TSHR: variants seen among roughly 807,000 people sequenced by gnomAD.
TSHR encodes the protein thyroid stimulating hormone receptor, also known as thyrotropin receptor.
In TSHR, 51 loss-of-function variants were observed where a neutral mutation model predicts 64.1. The observed-to-expected ratio is 0.80, with a 90% CI of 0.64 to 1.01. TSHR has a LOEUF of 1.01. Among genes scored for constraint, TSHR ranks in the 50% least tolerant of loss-of-function variants. The probability of loss-of-function intolerance (pLI) is 0.00; values close to 1 mark genes in which losing one functional copy is unlikely to be tolerated. For missense variants in TSHR, 877 were observed against 942.8 expected, an observed-to-expected ratio of 0.93 and a Z score of 0.91; for synonymous variants, 361 against 361.9, an observed-to-expected ratio of 1.00 and a Z score of 0.03.
intron 1 of TSHR, among the ~76,000 whole-genome samples, chr14:81,060,819 C>T (rs941289464): frequency 2.6e-5 from 4 of 152,078 alleles, no homozygotes; most frequent in African/African-American, 7.2e-5. Flanking sequence ...TATGCTGAGG[C>T]ATTGTCTTTT....
chr14:80,996,822 C>A (rs1889048830), intron 1 of TSHR, among the ~76,000 whole-genome samples: 1 of 152,134 alleles, frequency 6.6e-6, no homozygotes, highest in Non-Finnish European at 1.5e-5. Flanking sequence ...TTCTTCTCAT[C>A]TAGCTTCCAC....
intron 3 of TSHR, among the ~76,000 whole-genome samples, chr14:81,075,085 A>ACAGAC (rs1887400133): frequency 1.3e-5 from 2 of 152,230 alleles, no homozygotes; most frequent in African/African-American, 4.8e-5. Flanking sequence ...TGAACAGACC[A>ACAGAC]CAGACCATAA....
At chr14:81,018,245 A>C (rs547996399) in intron 1 of TSHR, among the ~76,000 whole-genome samples, 76 of 152,302 alleles carry the variant, frequency 5.0e-4, no homozygotes, top group African/African-American at 1.7e-3. Context: ...TAAATTAATA[A>C]ATGACTTCAT....
chr14:81,001,076 T>C (rs2139758838), intron 1 of TSHR: 1 of 164,426 alleles, frequency 6.1e-6, no homozygotes, highest in Non-Finnish European at 1.3e-5. Flanking sequence ...AGAACAGTAC[T>C]TCTTTGTGGG....
At chr14:81,089,537 G>A (rs887935280) in intron 4 of TSHR, among the ~76,000 whole-genome samples, 7 of 152,162 alleles carry the variant, frequency 4.6e-5, no homozygotes, top group East Asian at 1.9e-4. Flanking sequence ...TTGAGGAGAT[G>A]TGTATGAAAT....
chr14:81,139,597 G>T (rs917191788), intron 8 of TSHR, 82 bp from the exon 9 acceptor site: 1 of 1,427,178 alleles, frequency 7.0e-7, no homozygotes, highest in Non-Finnish European at 9.9e-7. Context: ...TTAACCTCAG[G>T]CCTGTTTGAG....
intron 1 of TSHR, among the ~76,000 whole-genome samples, chr14:81,027,449 C>T (rs771036629): frequency 1.3e-5 from 2 of 151,784 alleles, no homozygotes; most frequent in Non-Finnish European, 2.9e-5. Context: ...AAATAAAGAA[C>T]CCAAGAGTAT....
At chr14:81,017,955 G>A (rs1013025379) in intron 1 of TSHR, among the ~76,000 whole-genome samples, 2 of 150,648 alleles carry the variant, frequency 1.3e-5, no homozygotes, top group African/African-American at 4.9e-5. Context: ...TCAGCCTCCT[G>A]AGTAGCTGGG....
At chr14:81,019,198 G>A (rs977866097) in intron 1 of TSHR, among the ~76,000 whole-genome samples, 1 of 152,022 alleles carries the variant, frequency 6.6e-6, no homozygotes, top group African/African-American at 2.4e-5. Context: ...GCTGGGCTTG[G>A]TGGCGGGCAC....
At chr14:80,956,021 G>A (rs1886658057) in intron 1 of TSHR, 171 bp downstream of exon 1, 2 of 761,594 alleles carry the variant, frequency 2.6e-6, no homozygotes, top group Non-Finnish European at 4.4e-6. Flanking sequence ...AAACTTAATC[G>A]CCCACACTTG....
At chr14:81,133,470 G>T (rs1412087736) in intron 8 of TSHR, among the ~76,000 whole-genome samples, 1 of 152,192 alleles carries the variant, frequency 6.6e-6, no homozygotes, top group African/African-American at 2.4e-5. Context: ...TAAGACATGG[G>T]ACTGAAAACA....
intron 1 of TSHR, among the ~76,000 whole-genome samples, chr14:81,043,279 C>G (rs577915308): frequency 1.3e-5 from 2 of 152,088 alleles, no homozygotes; most frequent in African/African-American, 2.4e-5. Flanking sequence ...CACTAGCATT[C>G]CTGTACACAA....
chr14:81,011,413 T>C (rs1159608436), intron 1 of TSHR, among the ~76,000 whole-genome samples: 2 of 152,142 alleles, frequency 1.3e-5, no homozygotes, highest in Non-Finnish European at 2.9e-5. Context: ...ATTTTTTGGA[T>C]ACATCAGTTT....
At chr14:80,962,670 A>C (rs1887095876) in intron 1 of TSHR, among the ~76,000 whole-genome samples, 1 of 152,228 alleles carries the variant, frequency 6.6e-6, no homozygotes, top group Non-Finnish European at 1.5e-5. Flanking sequence ...AACTGGCTTA[A>C]AGGGTAGCCC....
intron 3 of TSHR, among the ~76,000 whole-genome samples, chr14:81,083,914 G>A (rs188599220): frequency 1.7e-3 from 260 of 152,282 alleles, no homozygotes; most frequent in African/African-American, 6.0e-3. Context: ...AAGTGGGGTA[G>A]ATCCCCTTAT....
chr14:81,088,812 C>T (rs1213329595), intron 4 of TSHR, among the ~76,000 whole-genome samples: 1 of 152,070 alleles, frequency 6.6e-6, no homozygotes, highest in Non-Finnish European at 1.5e-5. Flanking sequence ...TCCAGACCTT[C>T]AAAACAAACT....
chr14:81,047,625 C>T (rs924603764), intron 1 of TSHR, among the ~76,000 whole-genome samples: 1 of 150,922 alleles, frequency 6.6e-6, no homozygotes, highest in African/African-American at 2.4e-5. Context: ...AGCTCCTTTC[C>T]AGAACACTGG....
At chr14:81,039,508 T>C (rs919823604) in intron 1 of TSHR, among the ~76,000 whole-genome samples, 1 of 151,832 alleles carries the variant, frequency 6.6e-6, no homozygotes, top group African/African-American at 2.4e-5. Context: ...GGTATCCAAA[T>C]GGAAAAGGAG....
chr14:80,970,272 T>C (rs951067106), intron 1 of TSHR, among the ~76,000 whole-genome samples: 2 of 152,206 alleles, frequency 1.3e-5, no homozygotes, highest in East Asian at 3.9e-4. Context: ...ACTTTCTTGA[T>C]CCAGAATGTA....
Sources: gnomAD v4.1 joint callset for allele counts (sites outside exome capture counted in the v4.1 genomes callset) on GRCh38, gnomAD v4.1.1 for gene constraint, MANE v1.5 for transcripts, NCBI Gene and HGNC (gene_info 2026-07-23, HGNC 2026-07-21) for gene names.